The following UBE2G2 variants were observed in gnomAD, a reference collection of about 807,000 sequenced individuals.
The protein encoded by UBE2G2 is ubiquitin conjugating enzyme E2 G2.
A neutral mutation model predicts 23.0 loss-of-function variants in UBE2G2; 10 were observed. That is an observed-to-expected ratio of 0.43 (90% CI 0.27 to 0.74). The LOEUF is 0.74. Ranked by LOEUF, UBE2G2 falls within the 30% of genes least tolerant of loss-of-function variation. The probability of loss-of-function intolerance (pLI) is 0.19; values close to 1 mark genes in which losing one functional copy is unlikely to be tolerated. For synonymous variants in UBE2G2, 86 were observed against 81.3 expected (o/e 1.06, Z -0.31); for missense variants, 150 against 218.3 (o/e 0.69, Z 1.97).
At chr21:44,797,479 G>A (rs1248197436) in intron 1 of UBE2G2, among the ~76,000 whole-genome samples, 9 of 152,154 alleles carry the variant, frequency 5.9e-5, no homozygotes, top group African/African-American at 1.7e-4. Flanking sequence ...CACTTTGGGA[G>A]GCCGAGGCTG....
At chr21:44,779,512 C>CA (rs201896469) in intron 3 of UBE2G2, among the ~76,000 whole-genome samples, 76 of 152,142 alleles carry the variant, frequency 5.0e-4, no homozygotes, top group African/African-American at 1.7e-3. Context: ...TGAGTACCCC[C>CA]CCCGGCCCAC....
At chr21:44,779,899 A>G (rs1224711808) in intron 3 of UBE2G2, among the ~76,000 whole-genome samples, 2 of 152,238 alleles carry the variant, frequency 1.3e-5, no homozygotes, top group Admixed American at 6.5e-5. Flanking sequence ...TCAGGCACAT[A>G]AAGATACTAT....
intron 1 of UBE2G2, among the ~76,000 whole-genome samples, chr21:44,793,047 A>G (rs1346541973): frequency 1.3e-5 from 2 of 152,254 alleles, no homozygotes; most frequent in African/African-American, 4.8e-5. Flanking sequence ...GGAGTAGATC[A>G]GGAGAAATAA....
In UBE2G2 at chr21:44,801,708, T is replaced by C. The variant is rs1555964864; in HGVS notation, c.41A>G (p.Lys14Arg). 1 of 1,520,646 alleles carries C rather than the reference T, an allele frequency of 6.6e-7. No individual in the cohort carries two copies. The highest frequency in any genetic ancestry group is 2.7e-5 in the East Asian group (1 of 36,406). 94.2% of individuals were successfully genotyped at this position (1,520,646 alleles called of 1,614,324 possible). A position where few individuals can be genotyped will look rare whatever the true frequency, so the allele number is the denominator to read the frequency against. The change falls in exon 1 of 6, where the codon AAA (lysine) becomes AGA (arginine). Residue 14 changes from lysine to arginine, a missense_variant and splice_region_variant. Coordinates refer to ENST00000345496, the MANE Select transcript of UBE2G2 (RefSeq NM_003343.6). ...TALKRLMAEY[K>R]QLTLNPPEGI... ...ACGGCCCGGGTCCCCAGACTCACGT[T>C]TGTACTCGGCCATCAGCCTCTTGAG... is the stretch of plus-strand genomic sequence containing the variant.
rs2082875738 is a variant in UBE2G2, at chr21:44,771,609, A to G, written c.386-120T>C. The G allele has an allele frequency of 9.3e-7, 1 of 1,072,808 alleles. No homozygotes were observed. Among genetic ancestry groups the G allele is most frequent in the African/African-American group, 1.6e-5 (1 of 64,194 alleles). The allele number at this position is 1,072,808 out of a possible 1,614,324, so 66.5% of individuals were successfully genotyped here. On this transcript the variant is annotated intron_variant, in intron 5 of 5. Coordinates refer to ENST00000345496, the MANE Select transcript of UBE2G2 (RefSeq NM_003343.6). The surrounding 1 kb of genome is among the most constrained non-coding windows in gnomAD (Gnocchi z 4.6). ...TTTCAAGAGCTGTGTCCCAGAAACA[A>G]AGAACCTGAGAACTGCATGGGGTCG...
At chr21:44,783,949 G>A (rs147331598) in intron 3 of UBE2G2, among the ~76,000 whole-genome samples, 296 of 152,294 alleles carry the variant, frequency 1.9e-3, no homozygotes, top group African/African-American at 6.3e-3. Context: ...GAGGCCAGGA[G>A]TTCGAGACCA....
intron 3 of UBE2G2, among the ~76,000 whole-genome samples, chr21:44,780,725 G>C (rs1410045332): frequency 6.6e-6 from 1 of 152,184 alleles, no homozygotes; most frequent in Non-Finnish European, 1.5e-5. Context: ...TCCTCACAAA[G>C]GACAACTGCC....
intron 3 of UBE2G2, among the ~76,000 whole-genome samples, chr21:44,784,835 C>T (rs148648981): frequency 7.9e-5 from 12 of 152,302 alleles, no homozygotes; most frequent in African/African-American, 2.9e-4. Flanking sequence ...GGGGAGGTGA[C>T]AGCAGTCAGG....
chr21:44,784,114 C>G (rs1348281426), intron 3 of UBE2G2, among the ~76,000 whole-genome samples: 1 of 151,678 alleles, frequency 6.6e-6, no homozygotes, highest in Admixed American at 6.6e-5. Flanking sequence ...TGTGACCAGG[C>G]CACTGAACTT....
At chr21:44,796,552 C>T (rs1175046583) in intron 1 of UBE2G2, among the ~76,000 whole-genome samples, 1 of 151,960 alleles carries the variant, frequency 6.6e-6, no homozygotes, top group East Asian at 1.9e-4. Flanking sequence ...CAAAAAAAAC[C>T]CACTAAATTT....
chr21:44,792,684 C>G (rs536766550), intron 1 of UBE2G2, among the ~76,000 whole-genome samples: 1 of 152,280 alleles, frequency 6.6e-6, no homozygotes, highest in Non-Finnish European at 1.5e-5. Flanking sequence ...TACCGATTAA[C>G]CGTTTAATGA....
intron 1 of UBE2G2, among the ~76,000 whole-genome samples, chr21:44,797,169 C>T (rs1208565154): frequency 6.6e-6 from 1 of 152,118 alleles, no homozygotes; most frequent in Non-Finnish European, 1.5e-5. Flanking sequence ...TTCATGTTAA[C>T]ATGTAAAAAC....
intron 1 of UBE2G2, among the ~76,000 whole-genome samples, chr21:44,792,952 G>A (rs561385745): frequency 6.6e-6 from 1 of 152,352 alleles, no homozygotes; most frequent in Admixed American, 6.5e-5. Context: ...GGAACTGAAT[G>A]TGAATGAGGT....
intron 1 of UBE2G2, among the ~76,000 whole-genome samples, chr21:44,793,907 G>C (rs963185422): frequency 6.6e-6 from 1 of 152,110 alleles, no homozygotes; most frequent in African/African-American, 2.4e-5. Flanking sequence ...ATCAACAGAG[G>C]ACCAGTCAAA....
At chr21:44,779,175 A>G (rs1569295151) in intron 3 of UBE2G2, 1 of 430,466 alleles carries the variant, frequency 2.3e-6, no homozygotes, top group Non-Finnish European at 4.6e-6. Context: ...GTCGGCAGCA[A>G]CAGCAGATGC....
chr21:44,777,361 G>A lies in UBE2G2; in HGVS notation c.182C>T (p.Pro61Leu). 2 of 1,614,032 alleles carry A rather than the reference G, an allele frequency of 1.2e-6. No homozygotes were observed. The highest frequency in any genetic ancestry group is 1.7e-6 in the Non-Finnish European group (2 of 1,180,028). The change falls in exon 4 of 6, where the codon CCA (proline) becomes CTA (leucine). Residue 61 changes from proline to leucine, a missense_variant. Pro to Leu is a moderately conservative substitution (Grantham distance 98). Transcript: ENST00000345496. Reference sequence around the variant, plus strand: ...TGGGGGACTTAACGGGTAATCAAGTGGGAAACTCAGGATGGCAGGAAAAAC... The same window carrying A: ...TGGGGGACTTAACGGGTAATCAAGTAGGAAACTCAGGATGGCAGGAAAAAC... The part of the protein sequence containing the change: ...FGVFPAILSF[P>L]LDYPLSPPKM...
intron 1 of UBE2G2, among the ~76,000 whole-genome samples, chr21:44,792,039 C>A (rs927088833): frequency 6.6e-6 from 1 of 152,150 alleles, no homozygotes; most frequent in Non-Finnish European, 1.5e-5. Flanking sequence ...GGCCTGTAGC[C>A]CTTTGTTTTG....
intron 3 of UBE2G2, among the ~76,000 whole-genome samples, chr21:44,779,371 T>TGGGGGGG (rs375243003): frequency 2.7e-5 from 2 of 75,396 alleles, no homozygotes; most frequent in Non-Finnish European, 5.1e-5. Flanking sequence ...GGAGCTGGGG[T>TGGGGGGG]GGGGGGGGGG....
At chr21:44,785,799 A>G (rs1555961900) in intron 3 of UBE2G2, 1 of 152,240 alleles carries the variant, frequency 6.6e-6, no homozygotes, top group African/African-American at 2.4e-5. Context: ...GGTCTGGAAC[A>G]GGACCAAAAC....
Sources: gnomAD v4.1 joint callset for allele counts (sites outside exome capture counted in the v4.1 genomes callset) on GRCh38, gnomAD v4.1.1 for gene constraint, Gnocchi (gnomAD v3.1) non-coding constraint, MANE v1.5 for transcripts, NCBI Gene and HGNC (gene_info 2026-07-23, HGNC 2026-07-21) for gene names.